ST6GALNAC5: variants seen among roughly 807,000 people sequenced by gnomAD.
ST6GALNAC5 encodes alpha-N-acetylgalactosaminide alpha-2,6-sialyltransferase 5.
ST6GALNAC5 carries 27 observed loss-of-function variants against 33.6 expected under a neutral mutation model. The ratio of observed to expected loss-of-function variants is 0.80; its 90% CI spans 0.59 to 1.11. ST6GALNAC5 has a LOEUF of 1.11. ST6GALNAC5 is among the 50% of genes least tolerant of loss of function. The pLI is 0.00. For missense variants in ST6GALNAC5, 428 were observed against 454.0 expected, an observed-to-expected ratio of 0.94 and a Z score of 0.52; for synonymous variants, 194 against 171.2, an observed-to-expected ratio of 1.13 and a Z score of -1.04.
chr1:76,937,503 G>T (rs1043809528), intron 2 of ST6GALNAC5, among the ~76,000 whole-genome samples: 1 of 152,042 alleles, frequency 6.6e-6, no homozygotes, highest in African/African-American at 2.4e-5. Context: ...TGTAAGGAAG[G>T]GTTGAGGCGT....
chr1:77,031,563 G>A (rs1288289908), intron 2 of ST6GALNAC5, among the ~76,000 whole-genome samples: 1 of 152,196 alleles, frequency 6.6e-6, no homozygotes, highest in East Asian at 1.9e-4. Context: ...CAGGTTAAGT[G>A]TAATTGGTTT....
chr1:76,901,624 G>A (rs2100266195), intron 2 of ST6GALNAC5, among the ~76,000 whole-genome samples: 1 of 152,286 alleles, frequency 6.6e-6, no homozygotes, highest in East Asian at 1.9e-4. Flanking sequence ...CCTTTTGCGT[G>A]AGAAATGTTT....
chr1:76,984,111 C>G (rs1008118952), intron 2 of ST6GALNAC5, among the ~76,000 whole-genome samples: 1 of 152,062 alleles, frequency 6.6e-6, no homozygotes, highest in African/African-American at 2.4e-5. Flanking sequence ...ACTACAGAAG[C>G]AAGAGCAAAC....
chr1:77,046,177 G>C (rs757471600), intron 3 of ST6GALNAC5, among the ~76,000 whole-genome samples: 1 of 152,214 alleles, frequency 6.6e-6, no homozygotes, highest in Non-Finnish European at 1.5e-5. Context: ...CTACTTGAAA[G>C]GCTGAGGCAA....
intron 2 of ST6GALNAC5, among the ~76,000 whole-genome samples, chr1:76,905,138 AC>A (rs1386605361): frequency 6.6e-6 from 1 of 152,018 alleles, no homozygotes; most frequent in African/African-American, 2.4e-5. Flanking sequence ...GAAACTAAAT[AC>A]CCTTGTTGTT....
intron 2 of ST6GALNAC5, among the ~76,000 whole-genome samples, chr1:77,006,784 C>T (rs1486799394): frequency 6.6e-6 from 1 of 152,200 alleles, no homozygotes; most frequent in Non-Finnish European, 1.5e-5. Flanking sequence ...CTGGGTGGCT[C>T]TTCTGGCCTG....
intron 2 of ST6GALNAC5, among the ~76,000 whole-genome samples, chr1:76,954,365 C>G (rs1647869164): frequency 6.6e-6 from 1 of 152,058 alleles, no homozygotes; most frequent in Non-Finnish European, 1.5e-5. Flanking sequence ...ACAACCCACA[C>G]TGAGGCCTGT....
At chr1:76,961,838 G>A (rs1047589146) in intron 2 of ST6GALNAC5, among the ~76,000 whole-genome samples, 4 of 152,046 alleles carry the variant, frequency 2.6e-5, no homozygotes, top group African/African-American at 7.3e-5. Context: ...TCTTTTGCAG[G>A]GTCCTTTTAC....
At chr1:77,021,670 G>A (rs544509108) in intron 2 of ST6GALNAC5, among the ~76,000 whole-genome samples, 3 of 152,200 alleles carry the variant, frequency 2.0e-5, no homozygotes, top group South Asian at 4.1e-4. Flanking sequence ...TTTCTTTGTG[G>A]ATATTCCTTT....
intron 2 of ST6GALNAC5, among the ~76,000 whole-genome samples, chr1:76,917,490 T>A (rs1270305703): frequency 6.6e-6 from 1 of 152,074 alleles, no homozygotes; most frequent in East Asian, 1.9e-4. Context: ...ACTCCCAACT[T>A]ACACACAATA....
chr1:76,959,052 C>T (rs953264692), intron 2 of ST6GALNAC5, among the ~76,000 whole-genome samples: 12 of 152,320 alleles, frequency 7.9e-5, no homozygotes, highest in Non-Finnish European at 5.9e-5. Flanking sequence ...TCGGCTCCAG[C>T]AAGGCCTTCA....
intron 2 of ST6GALNAC5, among the ~76,000 whole-genome samples, chr1:76,950,970 T>C (rs1020870476): frequency 1.3e-5 from 2 of 151,100 alleles, no homozygotes; most frequent in African/African-American, 4.9e-5. Context: ...TGCTTTCTGA[T>C]TTTGTTACAC....
intron 2 of ST6GALNAC5, among the ~76,000 whole-genome samples, chr1:76,890,711 A>C (rs575730118): frequency 6.6e-6 from 1 of 152,274 alleles, no homozygotes; most frequent in South Asian, 2.1e-4. Context: ...TTTGTAAATT[A>C]AGTGGTTACT....
chr1:77,039,096 T>C (rs1651751503), intron 2 of ST6GALNAC5, among the ~76,000 whole-genome samples: 1 of 152,154 alleles, frequency 6.6e-6, no homozygotes, highest in Admixed American at 6.5e-5. Context: ...ATCTGCACAC[T>C]CCCTCTAGAG....
intron 2 of ST6GALNAC5, among the ~76,000 whole-genome samples, chr1:76,916,157 T>A (rs1018196248): frequency 1.3e-5 from 2 of 152,160 alleles, no homozygotes; most frequent in Admixed American, 1.3e-4. Flanking sequence ...AGCACTCCTG[T>A]ACCTCGGTTC....
At position 77,018,191 on chromosome 1, in the gene ST6GALNAC5, A is replaced by C. The variant is rs566874404; in HGVS notation, c.262-26013A>C. Among the ~76,000 whole-genome samples, 15 of 152,330 alleles carry C rather than the reference A, an allele frequency of 9.8e-5. No homozygotes were observed. In the South Asian group the frequency reaches 2.9e-3, roughly 29 times the overall value. On this transcript the variant is annotated intron_variant, in intron 2 of 4. Coordinates refer to ENST00000477717, the MANE Select transcript of ST6GALNAC5 (RefSeq NM_030965.3). ...AAGCAGGAAGGAGAGTTCTAGAAAGAGCCACCCTTTAGAAAAATTCTGGTG... is the reference window on the plus strand; with the variant it reads ...AAGCAGGAAGGAGAGTTCTAGAAAGCGCCACCCTTTAGAAAAATTCTGGTG...
chr1:76,884,841 T>C (rs1333059796), intron 2 of ST6GALNAC5, among the ~76,000 whole-genome samples: 4 of 152,202 alleles, frequency 2.6e-5, no homozygotes, highest in African/African-American at 9.6e-5. Context: ...AAGAATCACT[T>C]AGTCAAAAAT....
At chr1:76,879,031 G>C (rs1427908801) in intron 2 of ST6GALNAC5, among the ~76,000 whole-genome samples, 2 of 152,126 alleles carry the variant, frequency 1.3e-5, no homozygotes, top group Non-Finnish European at 2.9e-5. Context: ...GGTTCCCACT[G>C]TTAGATCTGA....
chr1:76,881,857 G>A (rs1653790043), intron 2 of ST6GALNAC5, among the ~76,000 whole-genome samples: 1 of 152,164 alleles, frequency 6.6e-6, no homozygotes, highest in South Asian at 2.1e-4. Context: ...GGATTTCAGA[G>A]CTAGAAGGAA....
Sources: allele counts gnomAD v4.1 joint callset (sites outside exome capture counted in the v4.1 genomes callset), GRCh38; gene constraint gnomAD v4.1.1; transcripts MANE v1.5; gene names NCBI Gene and HGNC (gene_info 2026-07-23, HGNC 2026-07-21).